USP48: variants seen among roughly 807,000 people sequenced by gnomAD.
USP48 encodes the protein ubiquitin carboxyl-terminal hydrolase 48.
USP48 carries 43 observed loss-of-function variants against 150.7 expected under a neutral mutation model. The observed-to-expected ratio is 0.29, with a 90% CI of 0.22 to 0.37. The LOEUF (loss-of-function observed/expected upper bound fraction) is 0.37. Ranked by LOEUF, USP48 falls within the 10% of genes least tolerant of loss-of-function variation. The pLI, the probability that USP48 is intolerant of heterozygous loss-of-function variation, is 1.00. For synonymous variants in USP48, 396 were observed against 425.9 expected (o/e 0.93, Z 0.86); for missense variants, 813 against 1,249.6 (o/e 0.65, Z 5.27).
At chr1:21,779,913 A>G (rs1487584465) in intron 1 of USP48, among the ~76,000 whole-genome samples, 1 of 152,154 alleles carries the variant, frequency 6.6e-6, no homozygotes, top group East Asian at 1.9e-4. Flanking sequence ...AAAAACAGAA[A>G]ATAGTACCTG....
intron 3 of USP48, among the ~76,000 whole-genome samples, chr1:21,754,757 T>C (rs1026816483): frequency 2.6e-5 from 4 of 152,150 alleles, no homozygotes; most frequent in Non-Finnish European, 4.4e-5. Context: ...CAGTGAGGCA[T>C]TTCCTCTCGA....
intron 25 of USP48, 169 bp downstream of exon 25, chr1:21,687,022 T>A: frequency 1.5e-6 from 1 of 653,604 alleles, no homozygotes; most frequent in Non-Finnish European, 2.6e-6. Context: ...TGTAGATATC[T>A]TTCCCTCCTT....
intron 1 of USP48, among the ~76,000 whole-genome samples, chr1:21,773,267 A>AG (rs1337333808): frequency 1.3e-5 from 2 of 151,764 alleles, no homozygotes; most frequent in African/African-American, 4.8e-5. Context: ...AAAAAAAAAA[A>AG]AAAAAAAGAA....
At chr1:21,741,706 G>T (rs1286651992) in intron 8 of USP48, among the ~76,000 whole-genome samples, 4 of 152,168 alleles carry the variant, frequency 2.6e-5, no homozygotes, top group African/African-American at 9.7e-5. Flanking sequence ...GCCAGGTGTG[G>T]TGGTTCACGC....
At chr1:21,688,156 G>A (rs1037728135) in intron 24 of USP48, among the ~76,000 whole-genome samples, 8 of 152,164 alleles carry the variant, frequency 5.3e-5, no homozygotes, top group Admixed American at 6.5e-5. Flanking sequence ...AGAGGCAATG[G>A]GAAGCGACTA....
chr1:21,781,474 T>C (rs116815932), intron 1 of USP48, among the ~76,000 whole-genome samples: 3,101 of 151,266 alleles, frequency 0.021, 42 homozygotes, highest in Middle Eastern at 0.05. Flanking sequence ...TGGCCCAGCA[T>C]GGTGGCTCAC....
intron 1 of USP48, among the ~76,000 whole-genome samples, chr1:21,782,450 C>T (rs1412010883): frequency 6.6e-6 from 1 of 152,190 alleles, no homozygotes; most frequent in Admixed American, 6.6e-5. Context: ...GTGTCAACAC[C>T]AACAAGATAC....
At chr1:21,755,892 A>T (rs2097832018) in intron 3 of USP48, among the ~76,000 whole-genome samples, 1 of 151,784 alleles carries the variant, frequency 6.6e-6, no homozygotes, top group Non-Finnish European at 1.5e-5. Flanking sequence ...TAGGCCAGGC[A>T]CAGTGGCTCA....
intron 25 of USP48, among the ~76,000 whole-genome samples, chr1:21,685,536 A>T (rs185753075): frequency 3.3e-5 from 5 of 152,194 alleles, no homozygotes; most frequent in Admixed American, 3.3e-4. Context: ...GCTGGTCACA[A>T]ACTCCTGACT....
chr1:21,687,068 C>A (rs829420), intron 25 of USP48, 123 bp downstream of exon 25: 694,059 of 908,506 alleles, frequency 0.76, 267,844 homozygotes, highest in Admixed American at 0.85. Context: ...TCTACTGTAA[C>A]AATATGTGGA....
At position 21,706,695 on chromosome 1, in the gene USP48, CCCA is replaced by C. The variant is rs780815522; in HGVS notation, c.2088+46_2088+48del. The C allele has an allele frequency of 1.1e-5, 17 of 1,609,914 alleles. No homozygotes were observed. The East Asian group carries it at 3.8e-4, about 36-fold the overall frequency. On this transcript the variant is annotated intron_variant, in intron 16 of 26. Coordinates refer to ENST00000308271, the MANE Select transcript of USP48 (RefSeq NM_032236.8). The stretch of plus-strand genomic sequence containing the variant: ...AGTGTTAATTCCCCTGGGAAGTCAA[CCCA>C]GGGAGGTGGCATGCCATTTCCCCAG...
At chr1:21,700,346 T>C (rs559324617) in intron 22 of USP48, among the ~76,000 whole-genome samples, 2 of 152,214 alleles carry the variant, frequency 1.3e-5, no homozygotes, top group South Asian at 4.1e-4. Flanking sequence ...TGAGCGCCAA[T>C]AAGCCACGGA....
chr1:21,706,469 C>T lies in USP48; in HGVS notation c.2209G>A (p.Glu737Lys), dbSNP rs2097672890. 1 of 1,614,146 alleles carries T rather than the reference C, an allele frequency of 6.2e-7. No homozygotes were observed. The highest frequency in any genetic ancestry group is 8.5e-7 in the Non-Finnish European group (1 of 1,180,024). ...KNRPCLSNWP[E>K]DTDVLYIVSQ... Reference sequence around the variant, plus strand: ...TTCTTTTGTGGGAATCATTATACCTCTGGCCAGTTACTGAGACACGGTCTG... The same window carrying T: ...TTCTTTTGTGGGAATCATTATACCTTTGGCCAGTTACTGAGACACGGTCTG... The change falls in exon 17 of 27, where the codon GAG (glutamate) becomes AAG (lysine). Residue 737 changes from glutamate (E) to lysine (K), a missense_variant and splice_region_variant. Transcript: ENST00000308271.
At chr1:21,758,774 TG>T in intron 1 of USP48, among the ~76,000 whole-genome samples, 1 of 150,552 alleles carries the variant, frequency 6.6e-6, no homozygotes, top group Non-Finnish European at 1.5e-5. Flanking sequence ...AATGAATGAA[TG>T]AATGAATGAA....
At chr1:21,725,338 C>T (rs184893499) in intron 11 of USP48, among the ~76,000 whole-genome samples, 5 of 152,280 alleles carry the variant, frequency 3.3e-5, no homozygotes, top group African/African-American at 9.6e-5. Context: ...CTGCCTTCTA[C>T]CTACCTCATG....
At chr1:21,699,814 CCACACACACA>C (rs10660046) in intron 22 of USP48, among the ~76,000 whole-genome samples, 2 of 149,166 alleles carry the variant, frequency 1.3e-5, no homozygotes, top group African/African-American at 2.5e-5. Flanking sequence ...CTGCGCCTGG[CCACACACACA>C]CACACACACT....
chr1:21,774,885 G>A (rs192541247), intron 1 of USP48, among the ~76,000 whole-genome samples: 4 of 151,808 alleles, frequency 2.6e-5, no homozygotes, highest in African/African-American at 7.2e-5. Flanking sequence ...CAGCTACTCC[G>A]GAGGCTGAGG....
At chr1:21,694,819 C>T (rs1017257245) in intron 23 of USP48, among the ~76,000 whole-genome samples, 2 of 151,980 alleles carry the variant, frequency 1.3e-5, no homozygotes, top group Admixed American at 6.6e-5. Context: ...GGCACAACCT[C>T]AACATGTGAC....
chr1:21,746,503 A>G (rs1386901266), intron 8 of USP48, among the ~76,000 whole-genome samples: 1 of 152,206 alleles, frequency 6.6e-6, no homozygotes, highest in East Asian at 1.9e-4. Flanking sequence ...TCAACCTTAA[A>G]GGGAAGTAAA....
Sources: allele counts gnomAD v4.1 joint callset (sites outside exome capture counted in the v4.1 genomes callset), GRCh38; gene constraint gnomAD v4.1.1; transcripts MANE v1.5; gene names NCBI Gene and HGNC (gene_info 2026-07-23, HGNC 2026-07-21).